POLE: variants seen among roughly 807,000 people sequenced by gnomAD.
POLE encodes DNA polymerase epsilon, catalytic subunit.
In POLE, 188 loss-of-function variants were observed where a neutral mutation model predicts 279.2. The observed-to-expected ratio is 0.67, with a 90% confidence interval of 0.60 to 0.76. POLE has a LOEUF of 0.76. Ranked by LOEUF, POLE falls within the 30% of genes least tolerant of loss-of-function variation. POLE has a pLI of 0.00. For missense variants in POLE, 2,703 were observed against 3,016.7 expected (o/e 0.90, Z 2.44); for synonymous variants, 1,214 against 1,172.5 (o/e 1.04, Z -0.72).
chr12:132,649,474 C>A lies in POLE; in HGVS notation c.3837G>T (p.Trp1279Cys), dbSNP rs2138609465. The A allele has an allele frequency of 6.2e-7, 1 of 1,612,522 alleles. No individual in the cohort carries two copies. The highest frequency in any genetic ancestry group is 8.5e-7 in the Non-Finnish European group (1 of 1,180,014). ...CGAGGCGCTGCCGGGCCTGCAGCTG[C>A]CACTTCTTCTTGTGGAACCGGAGCC... The part of the protein sequence containing the change: ...LVWLRFHKKK[W>C]QLQARQRLAR... Residue 1279 changes from tryptophan to cysteine, a missense_variant, in exon 31 of 49, where the codon TGG (tryptophan) becomes TGT (cysteine). By Grantham distance (215) the Trp-to-Cys change is radical. Coordinates refer to ENST00000320574, the MANE Select transcript of POLE (RefSeq NM_006231.4).
chr12:132,656,822 T>C (rs1296051440), intron 29 of POLE, among the ~76,000 whole-genome samples: 1 of 152,246 alleles, frequency 6.6e-6, no homozygotes, highest in East Asian at 1.9e-4. Context: ...AAGATATTCA[T>C]TTCACATTCA....
At position 132,664,182 on chromosome 12, in the gene POLE, C is replaced by T. The variant is rs1335729451; in HGVS notation, c.2562-34G>A. 5 of 1,610,986 alleles carry T rather than the reference C, an allele frequency of 3.1e-6. 1 individual carries two copies. Among genetic ancestry groups the T allele is most frequent in the Non-Finnish European group, 4.2e-6 (5 of 1,178,974 alleles). ...AAAGAGAGGAGCAAGGTCGTGAGTT[C>T]CCCTTTCCTTTTCACCCAGTGTGTG... On this transcript the variant is annotated intron_variant, in intron 22 of 48. Transcript: ENST00000320574. This position sits in a 1 kb window ranked among gnomAD's most constrained non-coding sequence, Gnocchi z 5.3.
rs1276671949 is a variant in POLE at position 132,642,807 on chromosome 12, C to T, written c.4728+13G>A. On this transcript the variant is annotated intron_variant, in intron 36 of 48. Transcript: ENST00000320574. ...AGATGGGGCTCACACAGCAAGACCC[C>T]AACCACTCTCACCTTGTAGGCGAGC... 2 of 1,613,768 alleles carry T rather than the reference C, an allele frequency of 1.2e-6. No individual in the cohort carries two copies. Among genetic ancestry groups the T allele is most frequent in the Non-Finnish European group, 1.7e-6 (2 of 1,179,932 alleles).
chr12:132,676,085 C>T lies in POLE; in HGVS notation c.1020+9G>A. On this transcript the variant is annotated intron_variant, in intron 10 of 48. Coordinates refer to ENST00000320574, the MANE Select transcript of POLE (RefSeq NM_006231.4). Reference sequence around the variant, plus strand: ...ATACCGGGTAGTTTCCCAAGTGATACCTCCTTACCTCATCGGGTTCATTGA... The same window carrying T: ...ATACCGGGTAGTTTCCCAAGTGATATCTCCTTACCTCATCGGGTTCATTGA... 6.4e-7 allele frequency: 1 copy of T among 1,565,360 alleles called. No individual in the cohort carries two copies. The highest frequency in any genetic ancestry group is 8.7e-7 in the Non-Finnish European group (1 of 1,143,580).
rs149145495 is a variant in POLE, at chr12:132,643,955, G to A, written c.4172C>T (p.Ser1391Phe). ...YRKVNRVLPR[S>F]NMVYNLYEYS... is the part of the protein sequence containing the mutation. ...CTCATAGAGATTGTAGACCATGTTG[G>A]AGCGAGGAAGGACCCGATTTACCTG... Residue 1391 changes from serine (S) to phenylalanine (F), a missense_variant, in exon 33 of 49, where the codon TCC becomes TTC. Ser to Phe is a radical substitution (Grantham distance 155). Around this residue, in one of 5 missense-constraint regions of POLE, gnomAD observed 1,551 missense variants for 1,686.1 expected, o/e 0.92. Transcript: ENST00000320574. The A allele has an allele frequency of 1.9e-6, 3 of 1,613,576 alleles. No homozygotes were observed. Among genetic ancestry groups the A allele is most frequent in the Non-Finnish European group, 2.5e-6 (3 of 1,179,632 alleles).
At chr12:132,653,207 C>G (rs987564869) in intron 29 of POLE, among the ~76,000 whole-genome samples, 4 of 152,162 alleles carry the variant, frequency 2.6e-5, no homozygotes, top group African/African-American at 9.7e-5. Flanking sequence ...CAGTGAGACC[C>G]AGCCTCTACA....
rs1020666561 is a variant in POLE, at chr12:132,678,799, G to A, written c.578+698C>T. ...CTATTGGCCTATAAGCTCAAATACT[G>A]AACGGGCTATTCAGGGGGAAAAAGA... On this transcript the variant is annotated intron_variant, in intron 6 of 48. Transcript: ENST00000320574. 2.6e-5 allele frequency among the ~76,000 whole-genome samples: 4 copies of A among 152,152 alleles called. No individual in the cohort carries two copies. The East Asian group carries it at 5.8e-4, about 22-fold the overall frequency.
At position 132,672,194 on chromosome 12, in the gene POLE, TC is replaced by T; in HGVS notation, c.1794+20del. On this transcript the variant is annotated intron_variant, in intron 16 of 48. Coordinates refer to ENST00000320574, the MANE Select transcript of POLE (RefSeq NM_006231.4). ...AAGGCGCCAAACACAGACTGGCTCT[TC>T]CTGCCTCCCTGATGGTTACCTCTTC... 1 of 1,562,590 alleles carries T rather than the reference TC, an allele frequency of 6.4e-7. No homozygotes were observed. Among genetic ancestry groups the T allele is most frequent in the Non-Finnish European group, 8.8e-7 (1 of 1,132,908 alleles).
At chr12:132,678,527 T>C (rs1353894857) in intron 6 of POLE, among the ~76,000 whole-genome samples, 2 of 145,452 alleles carry the variant, frequency 1.4e-5, no homozygotes, top group Non-Finnish European at 3.1e-5. Context: ...CAGTGAGCTA[T>C]GATTGCACCA....
chr12:132,625,749 A>G lies in POLE; in HGVS notation c.6553T>C (p.Trp2185Arg), dbSNP rs752443512. 4 of 1,612,330 alleles carry G rather than the reference A, an allele frequency of 2.5e-6. No homozygotes were observed. The Admixed American group carries it at 5.0e-5, about 20-fold the overall frequency. Reference sequence around the variant, plus strand: ...GGCGCCTGACAGTTGGAGCAGAGCCACTGAGGCAGGACCGCCCCATCCTAG... The same window carrying G: ...GGCGCCTGACAGTTGGAGCAGAGCCGCTGAGGCAGGACCGCCCCATCCTAG... ...FSEDGAVLPQ[W>R]LCSNCQAPYD... The change falls in exon 47 of 49, where the codon TGG (tryptophan) becomes CGG (arginine). Residue 2185 changes from tryptophan (W) to arginine (R), a missense_variant. Trp to Arg is a moderately radical substitution (Grantham distance 101). Transcript: ENST00000320574.
At position 132,642,391 on chromosome 12, in the gene POLE, A is replaced by T. The variant is rs1436667644; in HGVS notation, c.4959T>A (p.Phe1653Leu). Residue 1653 changes from phenylalanine (F) to leucine (L), a missense_variant, in exon 38 of 49, where the codon TTT (phenylalanine) becomes TTA (leucine). By Grantham distance (22) the Phe-to-Leu change is conservative. This residue lies in a region of POLE where 1,551 missense variants were observed against 1,686.1 expected (regional missense o/e 0.92). Coordinates refer to ENST00000320574, the MANE Select transcript of POLE (RefSeq NM_006231.4). ...LSQAFEMSRY[F>L]HIPIGNLPED... is the part of the protein sequence containing the mutation. Reference sequence around the variant, plus strand: ...CTGGTAGGTTCCCAATGGGAATGTGAAAGTACCTGCACCAGGGCACAGGTC... The same window carrying T: ...CTGGTAGGTTCCCAATGGGAATGTGTAAGTACCTGCACCAGGGCACAGGTC... 1 of 1,578,602 alleles carries T rather than the reference A, an allele frequency of 6.3e-7. No individual in the cohort carries two copies. The highest frequency in any genetic ancestry group is 1.2e-5 in the South Asian group (1 of 86,242).
chr12:132,639,313 G>A lies in POLE; in HGVS notation c.5379-15C>T, dbSNP rs2138511721. 2 of 1,613,112 alleles carry A rather than the reference G, an allele frequency of 1.2e-6. No individual in the cohort carries two copies. The highest frequency in any genetic ancestry group is 1.7e-5 in the Admixed American group (1 of 59,976). On this transcript the variant is annotated splice_polypyrimidine_tract_variant and intron_variant, in intron 39 of 48. Transcript: ENST00000320574. The surrounding 1 kb of genome is among the most constrained non-coding windows in gnomAD (Gnocchi z 4.7). ...TCTTCAGGATCCTGAAAGAGAAGGTGCACGACACCCTCGTACCCTCAGCCT... is the reference window on the plus strand; with the variant it reads ...TCTTCAGGATCCTGAAAGAGAAGGTACACGACACCCTCGTACCCTCAGCCT...
intron 41 of POLE, among the ~76,000 whole-genome samples, chr12:132,636,794 C>CA (rs5744984): frequency 0.16 from 24,301 of 152,092 alleles, 2,080 homozygotes; most frequent in Admixed American, 0.19. Flanking sequence ...GAAGAATAAA[C>CA]AAAGAAAGAG....
Position 132,677,651 on chromosome 12 carries a change from T to TC in POLE, c.646dup (p.Asp216GlyfsTer20). Reference sequence around the variant, plus strand: ...GTACTCGCGCATGTCCACAATGTTGTCCAACTGGTCAGCTATCTTCTTAGA... The same window carrying TC: ...GTACTCGCGCATGTCCACAATGTTGTCCCAACTGGTCAGCTATCTTCTTAGA... On this transcript the variant is annotated frameshift_variant, in exon 7 of 49. Coordinates refer to ENST00000320574, the MANE Select transcript of POLE (RefSeq NM_006231.4). LOFTEE classifies it high-confidence loss of function. The TC allele has an allele frequency of 6.2e-7, 1 of 1,614,168 alleles. No individual in the cohort carries two copies. Among genetic ancestry groups the TC allele is most frequent in the Non-Finnish European group, 8.5e-7 (1 of 1,180,006 alleles).
chr12:132,632,613 GT>G, intron 44 of POLE, 50 bp downstream of exon 44: 2 of 1,612,556 alleles, frequency 1.2e-6, no homozygotes, highest in Non-Finnish European at 1.7e-6. Flanking sequence ...ACACAGAGGA[GT>G]TAGGTCACTG....
At position 132,661,387 on chromosome 12, in the gene POLE, T is replaced by A; in HGVS notation, c.2864+140A>T. 2 of 1,035,862 alleles carry A rather than the reference T, an allele frequency of 1.9e-6. No individual in the cohort carries two copies. The highest frequency in any genetic ancestry group is 1.6e-5 in the South Asian group (1 of 64,106). The allele number at this position is 1,035,862 out of a possible 1,614,324, so 64.2% of individuals were successfully genotyped here. ...AATACAGCAGGCGGGCAGACAGAGC[T>A]GGTGCAAACGGAATCAGTAAGATCA... On this transcript the variant is annotated intron_variant, in intron 24 of 48. Transcript: ENST00000320574. The surrounding 1 kb of genome is among the most constrained non-coding windows in gnomAD (Gnocchi z 4.1).
intron 29 of POLE, among the ~76,000 whole-genome samples, chr12:132,654,611 C>T (rs1322961891): frequency 6.6e-6 from 1 of 151,932 alleles, no homozygotes; most frequent in Non-Finnish European, 1.5e-5. Context: ...GACAACATGA[C>T]AAAACCTTGT....
intron 13 of POLE, 90 bp from the exon 14 acceptor site, chr12:132,673,367 A>AGCCT: frequency 8.6e-7 from 1 of 1,166,460 alleles, no homozygotes; most frequent in African/African-American, 1.5e-5. Context: ...TGGCCTGACC[A>AGCCT]GCCTGCCGCA....
chr12:132,629,063 A>G (rs374033471), intron 45 of POLE, among the ~76,000 whole-genome samples: 9 of 152,356 alleles, frequency 5.9e-5, no homozygotes, highest in African/African-American at 2.2e-4. Context: ...TTTTTAAATA[A>G]TAAACGTTGA....
Sources: allele counts gnomAD v4.1 joint callset (sites outside exome capture counted in the v4.1 genomes callset), GRCh38; gene constraint gnomAD v4.1.1; regional missense constraint gnomAD v4.1.1; non-coding constraint Gnocchi (gnomAD v3.1); transcripts MANE v1.5; gene names NCBI Gene and HGNC (gene_info 2026-07-23, HGNC 2026-07-21).